Variants in CATSPERE observed in about 807,000 individuals in gnomAD.
CATSPERE encodes catsper channel auxiliary subunit epsilon, also known as cation channel sperm-associated auxiliary subunit epsilon.
CATSPERE carries 93 observed loss-of-function variants against 114.1 expected under a neutral mutation model. The observed-to-expected ratio is 0.81, with a 90% CI of 0.69 to 0.97. The LOEUF (loss-of-function observed/expected upper bound fraction) is 0.97. Among genes scored for constraint, CATSPERE ranks in the 50% least tolerant of loss-of-function variants. The pLI is 0.00. For synonymous variants in CATSPERE, 341 were observed against 384.1 expected, an observed-to-expected ratio of 0.89 and a Z score of 1.31; for missense variants, 1,058 against 1,131.6, an observed-to-expected ratio of 0.93 and a Z score of 0.93.
chr1:244,461,213 G>A (rs889311620), upstream of CATSPERE, among the ~76,000 whole-genome samples: 1 of 151,910 alleles, frequency 6.6e-6, no homozygotes, highest in African/African-American at 2.4e-5. Context: ...GTGCAGGTTC[G>A]CACTCCGGCT....
chr1:244,481,445 C>G (rs1255279186), intron 5 of CATSPERE, among the ~76,000 whole-genome samples: 1 of 152,046 alleles, frequency 6.6e-6, no homozygotes, highest in African/African-American at 2.4e-5. Context: ...GAGCAAAACT[C>G]CATCTCAAAA....
chr1:244,600,294 C>A (rs1180403187), intron 17 of CATSPERE, among the ~76,000 whole-genome samples: 1 of 150,798 alleles, frequency 6.6e-6, no homozygotes, highest in East Asian at 2.0e-4. Context: ...GCTGGGTTTT[C>A]AAGCCCCTGT....
At chr1:244,459,148 G>A (rs946419962), upstream of CATSPERE, among the ~76,000 whole-genome samples, 2 of 149,334 alleles carry the variant, frequency 1.3e-5, no homozygotes, top group Non-Finnish European at 3.0e-5. Context: ...GCTCAGTCTC[G>A]GCTCACTGCA....
At chr1:244,621,036 TAA>T (rs752243967) in intron 20 of CATSPERE, among the ~76,000 whole-genome samples, 1 of 91,078 alleles carries the variant, frequency 1.1e-5, no homozygotes, top group African/African-American at 5.4e-5. Context: ...TAAATATATA[TAA>T]AATATATATA....
chr1:244,557,385 A>G (rs1295178960), intron 9 of CATSPERE, among the ~76,000 whole-genome samples: 2 of 149,826 alleles, frequency 1.3e-5, no homozygotes, highest in African/African-American at 4.9e-5. Context: ...CTTTCCATTT[A>G]TATGTGTTTC....
intron 14 of CATSPERE, among the ~76,000 whole-genome samples, chr1:244,590,210 A>G (rs796390001): frequency 5.8e-4 from 89 of 152,294 alleles, no homozygotes; most frequent in African/African-American, 2.0e-3. Context: ...TATAATTACA[A>G]CGATCATTAT....
intron 20 of CATSPERE, among the ~76,000 whole-genome samples, chr1:244,624,651 A>T (rs889276865): frequency 1.3e-5 from 2 of 151,974 alleles, no homozygotes; most frequent in African/African-American, 4.8e-5. Context: ...AAATACAAAA[A>T]GTTAGCCGGG....
At chr1:244,616,562 G>A (rs1311504141) in intron 19 of CATSPERE, among the ~76,000 whole-genome samples, 2 of 152,122 alleles carry the variant, frequency 1.3e-5, no homozygotes, top group East Asian at 1.9e-4. Context: ...ATGGCAGAAG[G>A]CAAAAGGAGA....
chr1:244,519,470 G>A (rs927667749), intron 8 of CATSPERE, among the ~76,000 whole-genome samples: 2 of 152,334 alleles, frequency 1.3e-5, no homozygotes, highest in East Asian at 3.9e-4. Flanking sequence ...GGCCACTGCT[G>A]TGTGGAGTGT....
At position 244,514,205 on chromosome 1, in the gene CATSPERE, G is replaced by C. The variant is rs376561257; in HGVS notation, c.430-4387G>C. On this transcript the variant is annotated intron_variant, in intron 7 of 21. Coordinates refer to ENST00000366534, the MANE Select transcript of CATSPERE (RefSeq NM_001130957.2). The stretch of plus-strand genomic sequence containing the variant: ...TTTTTCCCTATGTTTTCTTCTAAGA[G>C]TTTTATCGTTTAGCTCTTAACATTT... 2.6e-5 allele frequency among the ~76,000 whole-genome samples: 4 copies of C among 152,242 alleles called. No individual in the cohort carries two copies. In the South Asian group the frequency reaches 8.3e-4, roughly 32 times the overall value.
chr1:244,456,512 C>T (rs982586792), upstream of CATSPERE, among the ~76,000 whole-genome samples: 1 of 151,960 alleles, frequency 6.6e-6, no homozygotes, highest in Non-Finnish European at 1.5e-5. Flanking sequence ...AATTTTAATG[C>T]CTTTTTATTC....
intron 13 of CATSPERE, among the ~76,000 whole-genome samples, chr1:244,584,341 A>G (rs911681979): frequency 9.2e-5 from 14 of 152,062 alleles, no homozygotes; most frequent in African/African-American, 3.4e-4. Context: ...CACAGTTCTC[A>G]AACAGCCCAG....
intron 7 of CATSPERE, among the ~76,000 whole-genome samples, chr1:244,501,879 G>A (rs909453612): frequency 2.6e-5 from 4 of 152,122 alleles, no homozygotes; most frequent in African/African-American, 9.7e-5. Flanking sequence ...TCTGGCCTCA[G>A]CTCTCTACAC....
intron 7 of CATSPERE, among the ~76,000 whole-genome samples, chr1:244,513,847 C>T (rs1676157487): frequency 6.6e-6 from 1 of 152,288 alleles, no homozygotes; most frequent in South Asian, 2.1e-4. Flanking sequence ...TTGGGTATAA[C>T]CTCAGGTCCT....
chr1:244,464,564 G>A (rs1405508189), intron 2 of CATSPERE, among the ~76,000 whole-genome samples: 1 of 152,126 alleles, frequency 6.6e-6, no homozygotes, highest in Non-Finnish European at 1.5e-5. Context: ...CTGGCCATGG[G>A]AAATACACTT....
Position 244,572,686 on chromosome 1 carries a change from A to G in CATSPERE, c.1864A>G (p.Ile622Val). Reference sequence around the variant, plus strand: ...TCCAGAAAACACTGGTCTGTATGTTATTGTGGAATCTTATGGCCCAAAAAT... The same window carrying G: ...TCCAGAAAACACTGGTCTGTATGTTGTTGTGGAATCTTATGGCCCAAAAAT... The part of the protein sequence containing the change: ...VYPENTGLYV[I>V]VESYGPKILQ... Residue 622 changes from isoleucine (I) to valine (V), a missense_variant, in exon 11 of 22, where the codon ATT (isoleucine) becomes GTT (valine). Coordinates refer to ENST00000366534, the MANE Select transcript of CATSPERE (RefSeq NM_001130957.2). 2 of 1,613,994 alleles carry G rather than the reference A, an allele frequency of 1.2e-6. No homozygotes were observed. The highest frequency in any genetic ancestry group is 1.3e-5 in the African/African-American group (1 of 75,046).
Position 244,572,548 on chromosome 1 carries a change from G to C in CATSPERE, c.1726G>C (p.Ala576Pro). ...YPLHLEAQSIAFTTKDKCPYM... is the reference protein window; with the variant it reads ...YPLHLEAQSIPFTTKDKCPYM... Reference sequence around the variant, plus strand: ...CTTACATCTGGAAGCACAAAGTATAGCTTTCACAACAAAAGACAAATGCCC... The same window carrying C: ...CTTACATCTGGAAGCACAAAGTATACCTTTCACAACAAAAGACAAATGCCC... The change falls in exon 11 of 22, where the codon GCT becomes CCT. Residue 576 changes from alanine (A) to proline (P), a missense_variant. Around this residue, in one of 2 missense-constraint regions of CATSPERE, gnomAD observed 787 missense variants for 905.6 expected, o/e 0.87. Transcript: ENST00000366534. 6.2e-7 allele frequency: 1 copy of C among 1,614,030 alleles called. No individual in the cohort carries two copies.
At chr1:244,606,455 A>C (rs951401968) in intron 18 of CATSPERE, among the ~76,000 whole-genome samples, 2 of 151,676 alleles carry the variant, frequency 1.3e-5, no homozygotes, top group Non-Finnish European at 2.9e-5. Flanking sequence ...AAAAAAAAAA[A>C]ACACAAAAAA....
Position 244,586,815 on chromosome 1 carries a change from CA to C in CATSPERE, c.2086-1666del, listed in dbSNP as rs1200464585. Among the ~76,000 whole-genome samples, 12 of 152,220 alleles carry C rather than the reference CA, an allele frequency of 7.9e-5. No homozygotes were observed. The East Asian group carries it at 2.3e-3, about 29-fold the overall frequency. On this transcript the variant is annotated intron_variant, in intron 13 of 21. Coordinates refer to ENST00000366534, the MANE Select transcript of CATSPERE (RefSeq NM_001130957.2). ...CTGTTGAGACAGCCTGCTGGAAGGT[CA>C]GGGGTCCTGGAGCCAGGTGGAAATG...
Sources: gnomAD v4.1 joint callset for allele counts (sites outside exome capture counted in the v4.1 genomes callset) on GRCh38, gnomAD v4.1.1 for gene constraint, gnomAD v4.1.1 regional missense constraint, MANE v1.5 for transcripts, NCBI Gene and HGNC (gene_info 2026-07-23, HGNC 2026-07-21) for gene names.